Variants in EEF1G observed in about 807,000 individuals in gnomAD.
EEF1G encodes the protein eukaryotic translation elongation factor 1 gamma.
A neutral mutation model predicts 58.3 loss-of-function variants in EEF1G; 14 were observed. That is an observed-to-expected ratio of 0.24 (90% CI 0.16 to 0.38). EEF1G has a LOEUF of 0.38. Among genes scored for constraint, EEF1G ranks in the 10% least tolerant of loss-of-function variants. EEF1G has a pLI of 1.00. For missense variants in EEF1G, 322 were observed against 550.1 expected, an observed-to-expected ratio of 0.59 and a Z score of 4.15; for synonymous variants, 180 against 206.8, an observed-to-expected ratio of 0.87 and a Z score of 1.11.
At chr11:62,566,746 A>G in intron 7 of EEF1G, 60 bp downstream of exon 7, 1 of 1,506,432 alleles carries the variant, frequency 6.6e-7, no homozygotes, top group Non-Finnish European at 9.2e-7. Context: ...GAGGGGGGAC[A>G]TACAGAGGTG....
At chr11:62,564,408 A>C (rs7937146) in intron 7 of EEF1G, among the ~76,000 whole-genome samples, 2 of 146,716 alleles carry the variant, frequency 1.4e-5, no homozygotes, top group African/African-American at 5.1e-5. Context: ...AGACTGCAGT[A>C]AGCCGAGATC....
intron 7 of EEF1G, among the ~76,000 whole-genome samples, chr11:62,563,846 C>T (rs1052640244): frequency 6.6e-6 from 1 of 152,230 alleles, no homozygotes; most frequent in African/African-American, 2.4e-5. Flanking sequence ...GTCCCAGGTT[C>T]CTTTCCAAAT....
At chr11:62,564,758 C>CAAAAA (rs34663205) in intron 7 of EEF1G, among the ~76,000 whole-genome samples, 1,168 of 74,850 alleles carry the variant, frequency 0.016, 93 homozygotes, top group African/African-American at 0.078. Context: ...GACTCCATCT[C>CAAAAA]AAAAAAAAAA....
intron 1 of EEF1G, 128 bp from the exon 2 acceptor site, chr11:62,572,870 C>T: frequency 1.2e-6 from 1 of 866,756 alleles, no homozygotes; most frequent in Non-Finnish European, 1.7e-6. Flanking sequence ...TCTGGTGAAC[C>T]AAGTCCTTTA....
intron 1 of EEF1G, chr11:62,573,624 C>G: frequency 1.4e-6 from 1 of 707,980 alleles, no homozygotes; most frequent in East Asian, 2.7e-5. Flanking sequence ...CTCCTCTTCC[C>G]CAGACCCTTC....
chr11:62,565,386 C>CAA (rs888723551), intron 7 of EEF1G, among the ~76,000 whole-genome samples: 1 of 137,332 alleles, frequency 7.3e-6, no homozygotes, highest in Non-Finnish European at 1.6e-5. Context: ...ACCCTGTTTC[C>CAA]AAAAAAAAAA....
At position 62,573,862 on chromosome 11, in the gene EEF1G, G is replaced by A. The variant is rs3741241; in HGVS notation, c.-20C>T. 2.4e-5 allele frequency: 39 copies of A among 1,613,754 alleles called. No individual in the cohort carries two copies. Among genetic ancestry groups the A allele is most frequent in the South Asian group, 5.5e-5 (5 of 91,088 alleles). On this transcript the variant is annotated 5_prime_UTR_variant, in exon 1 of 10. Coordinates refer to ENST00000329251, the MANE Select transcript of EEF1G (RefSeq NM_001404.5). Reference sequence around the variant, plus strand: ...CGCCATGGTGATTCCGCAAAGAAAGGGGGTGGGGTTCTCGGCGCTGCCGCA... The same window carrying A: ...CGCCATGGTGATTCCGCAAAGAAAGAGGGTGGGGTTCTCGGCGCTGCCGCA...
At chr11:62,560,624 C>T (rs1941482714) in intron 7 of EEF1G, among the ~76,000 whole-genome samples, 170 bp from the exon 8 acceptor site, 1 of 152,114 alleles carries the variant, frequency 6.6e-6, no homozygotes, top group Non-Finnish European at 1.5e-5. Flanking sequence ...TGAACAGGGG[C>T]CTAGGACACT....
Position 62,571,898 on chromosome 11 carries a change from G to T in EEF1G, c.175C>A (p.Pro59Thr). 1 of 1,575,648 alleles carries T rather than the reference G, an allele frequency of 6.3e-7. No homozygotes were observed. Among genetic ancestry groups the T allele is most frequent in the East Asian group, 2.3e-5 (1 of 43,118 alleles). ...FLRKFPAGKVPAFEGDDGFCV... is the reference protein window; with the variant it reads ...FLRKFPAGKVTAFEGDDGFCV... ...AATCCATCATCACCCTCAAATGCTG[G>T]GACCTGGGGACAAAGCAGTGAAAAG... Residue 59 changes from proline to threonine, a missense_variant, in exon 3 of 10, where the codon CCA (proline) becomes ACA (threonine). Transcript: ENST00000329251.
intron 5 of EEF1G, 109 bp downstream of exon 5, chr11:62,570,856 C>T: frequency 1.4e-6 from 2 of 1,471,242 alleles, no homozygotes; most frequent in Non-Finnish European, 1.9e-6. Flanking sequence ...GCACCCACCT[C>T]TAGCTGTTTT....
In EEF1G at chr11:62,572,757, G is replaced by C. The variant is rs373157755; in HGVS notation, c.13-15C>G. 7 of 1,601,042 alleles carry C rather than the reference G, an allele frequency of 4.4e-6. No individual in the cohort carries two copies. The highest frequency in any genetic ancestry group is 1.7e-5 in the Admixed American group (1 of 59,376). ...GTGTACAGGGTCTATGGGAGAAAGA[G>C]AGGGACAAAATTAATGAGTAGAAGG... On this transcript the variant is annotated splice_polypyrimidine_tract_variant and intron_variant, in intron 1 of 9. Coordinates refer to ENST00000329251, the MANE Select transcript of EEF1G (RefSeq NM_001404.5).
intron 5 of EEF1G, among the ~76,000 whole-genome samples, chr11:62,568,617 G>A (rs1394840808): frequency 6.6e-6 from 1 of 151,944 alleles, no homozygotes; most frequent in Non-Finnish European, 1.5e-5. Context: ...TTAGGAGTAG[G>A]AGTAATAATT....
chr11:62,564,321 G>A (rs1941530574), intron 7 of EEF1G, among the ~76,000 whole-genome samples: 1 of 146,908 alleles, frequency 6.8e-6, no homozygotes, highest in East Asian at 1.9e-4. Flanking sequence ...AAATTAGCCA[G>A]GCATGGTGGC....
intron 1 of EEF1G, chr11:62,573,483 C>G (rs893193620): frequency 9.8e-6 from 4 of 408,928 alleles, no homozygotes; most frequent in South Asian, 3.0e-5. Flanking sequence ...TCCTCTTCAA[C>G]CTGTCCCCTG....
chr11:62,571,987 C>T, intron 2 of EEF1G, 86 bp from the exon 3 acceptor site: 1 of 1,121,944 alleles, frequency 8.9e-7, no homozygotes. Flanking sequence ...TTTGAAAATA[C>T]TTATATAAGG....
intron 5 of EEF1G, among the ~76,000 whole-genome samples, chr11:62,570,063 CTT>C (rs1174196694): frequency 1.6e-4 from 22 of 141,830 alleles, no homozygotes; most frequent in Non-Finnish European, 2.0e-4. Flanking sequence ...GCTTAAAGAG[CTT>C]TTTTTTTTTT....
chr11:62,566,741 G>A, intron 7 of EEF1G, 65 bp downstream of exon 7: 1 of 1,448,702 alleles, frequency 6.9e-7, no homozygotes, highest in Non-Finnish European at 9.6e-7. Flanking sequence ...TGTGTGAGGG[G>A]GGACATACAG....
At chr11:62,559,889 CTG>C in intron 9 of EEF1G, 52 bp from the exon 10 acceptor site, 1 of 1,612,902 alleles carries the variant, frequency 6.2e-7, no homozygotes, top group Non-Finnish European at 8.5e-7. Flanking sequence ...CACCCCACAC[CTG>C]TGTTACTTCC....
intron 5 of EEF1G, 149 bp from the exon 6 acceptor site, chr11:62,567,677 T>C (rs1361525475): frequency 5.4e-6 from 4 of 736,608 alleles, no homozygotes; most frequent in Middle Eastern, 5.5e-4. Flanking sequence ...CATCCTTCCC[T>C]GGATTACTTC....
Sources: gnomAD v4.1 joint callset for allele counts (sites outside exome capture counted in the v4.1 genomes callset) on GRCh38, gnomAD v4.1.1 for gene constraint, MANE v1.5 for transcripts, NCBI Gene and HGNC (gene_info 2026-07-23, HGNC 2026-07-21) for gene names.